Variants in NRXN3 observed in about 807,000 individuals in gnomAD.
NRXN3 encodes the protein neurexin III.
A neutral mutation model predicts 137.6 loss-of-function variants in NRXN3; 32 were observed. That is an observed-to-expected ratio of 0.23 (90% CI 0.18 to 0.31). NRXN3 has a LOEUF of 0.31. Among genes scored for constraint, NRXN3 ranks in the 10% least tolerant of loss-of-function variants. The pLI is 1.00. For synonymous variants in NRXN3, 798 were observed against 784.5 expected (o/e 1.02, Z -0.29); for missense variants, 1,574 against 2,062.5 (o/e 0.76, Z 4.59).
At chr14:79,454,970 T>A (rs1215669944) in intron 15 of NRXN3, among the ~76,000 whole-genome samples, 1 of 152,214 alleles carries the variant, frequency 6.6e-6, no homozygotes, top group African/African-American at 2.4e-5. Flanking sequence ...TCAATTTTTG[T>A]AAGTGAAATT....
chr14:79,236,870 G>A (rs1218964709), intron 15 of NRXN3, among the ~76,000 whole-genome samples: 1 of 152,068 alleles, frequency 6.6e-6, no homozygotes, highest in Non-Finnish European at 1.5e-5. Context: ...ACCAGATTGT[G>A]CCAGTGCACT....
chr14:78,837,102 G>T (rs987999994), intron 10 of NRXN3, among the ~76,000 whole-genome samples: 23 of 152,256 alleles, frequency 1.5e-4, no homozygotes, highest in African/African-American at 5.5e-4. Context: ...AGTGTGAGAG[G>T]CTACAGTATG....
intron 4 of NRXN3, among the ~76,000 whole-genome samples, chr14:78,342,866 G>T (rs2082289448): frequency 6.6e-6 from 1 of 152,064 alleles, no homozygotes; most frequent in Non-Finnish European, 1.5e-5. Flanking sequence ...TTAAAAACAG[G>T]GGGTGGTTAA....
chr14:78,763,107 A>T (rs1417426579), intron 8 of NRXN3, among the ~76,000 whole-genome samples: 1 of 152,204 alleles, frequency 6.6e-6, no homozygotes, highest in Non-Finnish European at 1.5e-5. Flanking sequence ...ATTTTATGGA[A>T]ATTAAAATAT....
At chr14:78,802,688 G>A (rs1161268341) in intron 8 of NRXN3, among the ~76,000 whole-genome samples, 1 of 152,180 alleles carries the variant, frequency 6.6e-6, no homozygotes, top group South Asian at 2.1e-4. Context: ...GCTCACGTTT[G>A]TAATCCCAGC....
At chr14:79,575,794 G>T (rs935997703) in intron 16 of NRXN3, among the ~76,000 whole-genome samples, 3 of 152,082 alleles carry the variant, frequency 2.0e-5, no homozygotes, top group African/African-American at 7.2e-5. Flanking sequence ...ATCGGGGAGG[G>T]TGCTCCTGTT....
chr14:78,371,946 A>C (rs1395063280), intron 4 of NRXN3, among the ~76,000 whole-genome samples: 1 of 152,256 alleles, frequency 6.6e-6, no homozygotes, highest in East Asian at 1.9e-4. Context: ...ACACAGAGGC[A>C]CAGTGAGTGA....
At chr14:78,756,345 G>C (rs1237204648) in intron 8 of NRXN3, among the ~76,000 whole-genome samples, 1 of 151,724 alleles carries the variant, frequency 6.6e-6, no homozygotes, top group South Asian at 2.1e-4. Context: ...AAAATTAGTC[G>C]GGCATGGTGG....
chr14:78,353,754 G>A (rs560337217), intron 4 of NRXN3, among the ~76,000 whole-genome samples: 4 of 152,282 alleles, frequency 2.6e-5, no homozygotes, highest in African/African-American at 9.6e-5. Context: ...ACCTGGAAAT[G>A]GGCAATTTCT....
At chr14:79,565,625 C>A (rs1164369777) in intron 16 of NRXN3, among the ~76,000 whole-genome samples, 1 of 151,644 alleles carries the variant, frequency 6.6e-6, no homozygotes, top group African/African-American at 2.4e-5. Context: ...TACCAATAGG[C>A]AGAAAAAGAC....
chr14:79,036,812 A>T (rs979400077), intron 15 of NRXN3, among the ~76,000 whole-genome samples: 1 of 151,818 alleles, frequency 6.6e-6, no homozygotes, highest in African/African-American at 2.4e-5. Flanking sequence ...GACTATTTTT[A>T]TAGTATTGTT....
chr14:78,243,108 C>T lies in NRXN3; in HGVS notation c.15C>T (p.Leu5=). The T allele has an allele frequency of 6.5e-7, 1 of 1,531,858 alleles. No individual in the cohort carries two copies. The highest frequency in any genetic ancestry group is 8.7e-7 in the Non-Finnish European group (1 of 1,145,808). 94.9% of individuals were successfully genotyped at this position (1,531,858 alleles called of 1,614,324 possible). Residue 5 remains leucine (L), a synonymous_variant, in exon 2 of 21, where the codon CTC becomes CTT. Coordinates refer to ENST00000335750, the MANE Select transcript of NRXN3 (RefSeq NM_001330195.2). The surrounding 1 kb of genome is among the most constrained non-coding windows in gnomAD (Gnocchi z 4.2). MSST[L]HSVFFTLKVS... is the part of the protein sequence containing the mutation. ...CAGCAGCGACAATGAGCTCCACACT[C>T]CACTCGGTTTTCTTCACCCTGAAGG...
At position 78,315,700 on chromosome 14, in the gene NRXN3, A is replaced by C. The variant is rs114421055; in HGVS notation, c.757+17840A>C. 6.4e-3 allele frequency among the ~76,000 whole-genome samples: 971 copies of C among 152,336 alleles called. 11 individuals carry two copies. Among genetic ancestry groups the C allele is most frequent in the African/African-American group, 0.022 (914 of 41,574 alleles). On this transcript the variant is annotated intron_variant, in intron 4 of 20. Transcript: ENST00000335750. ...TAGCTTGAGTTGATGGAGTGGGGCCAAATGCCTGATTCAATAGGATTTTGT... is the reference window on the plus strand; with the variant it reads ...TAGCTTGAGTTGATGGAGTGGGGCCCAATGCCTGATTCAATAGGATTTTGT...
At chr14:78,943,852 G>A (rs924666736) in intron 10 of NRXN3, among the ~76,000 whole-genome samples, 4 of 151,000 alleles carry the variant, frequency 2.6e-5, no homozygotes, top group Non-Finnish European at 5.9e-5. Flanking sequence ...GCAGACATGG[G>A]CATTTTAGAC....
intron 6 of NRXN3, among the ~76,000 whole-genome samples, chr14:78,701,428 T>G (rs1215422763): frequency 6.6e-6 from 1 of 152,230 alleles, no homozygotes; most frequent in Non-Finnish European, 1.5e-5. Flanking sequence ...GCAGAAAAAC[T>G]GACTGGCTTA....
intron 6 of NRXN3, among the ~76,000 whole-genome samples, chr14:78,660,782 G>T (rs1351993260): frequency 6.6e-6 from 1 of 152,096 alleles, no homozygotes; most frequent in African/African-American, 2.4e-5. Flanking sequence ...AACCTGTTGT[G>T]GCTCTATTTT....
chr14:79,788,722 A>G (rs1603502211), intron 19 of NRXN3, among the ~76,000 whole-genome samples: 1 of 152,336 alleles, frequency 6.6e-6, no homozygotes, highest in East Asian at 1.9e-4. Flanking sequence ...GCAATCAAGT[A>G]GAAGGGAAAA....
chr14:78,544,211 C>T (rs954789500), intron 4 of NRXN3, among the ~76,000 whole-genome samples: 1 of 152,198 alleles, frequency 6.6e-6, no homozygotes, highest in Admixed American at 6.5e-5. Flanking sequence ...CTCTTTGCAG[C>T]AGCTGGCATG....
intron 4 of NRXN3, among the ~76,000 whole-genome samples, chr14:78,548,825 C>T (rs753245908): frequency 4.6e-5 from 7 of 152,184 alleles, no homozygotes; most frequent in Non-Finnish European, 7.3e-5. Context: ...TTACCCAAGA[C>T]CAGGTCCCTT....
Sources: gnomAD v4.1 joint callset for allele counts (sites outside exome capture counted in the v4.1 genomes callset) on GRCh38, gnomAD v4.1.1 for gene constraint, Gnocchi (gnomAD v3.1) non-coding constraint, MANE v1.5 for transcripts, NCBI Gene and HGNC (gene_info 2026-07-23, HGNC 2026-07-21) for gene names.